GALNT18: variants seen among roughly 807,000 people sequenced by gnomAD.
GALNT18 encodes polypeptide N-acetylgalactosaminyltransferase 18, also known as GalNAc-transferase 18.
In GALNT18, 44 loss-of-function variants were observed where a neutral mutation model predicts 69.5. The ratio of observed to expected loss-of-function variants is 0.63; its 90% confidence interval spans 0.50 to 0.81. The LOEUF is 0.81. Among genes scored for constraint, GALNT18 ranks in the 40% least tolerant of loss-of-function variants. The pLI is 0.00. For missense variants in GALNT18, 715 were observed against 810.0 expected, an observed-to-expected ratio of 0.88 and a Z score of 1.42; for synonymous variants, 364 against 318.2, an observed-to-expected ratio of 1.14 and a Z score of -1.53.
At chr11:11,367,586 C>A (rs187230294) in intron 6 of GALNT18, among the ~76,000 whole-genome samples, 1 of 152,164 alleles carries the variant, frequency 6.6e-6, no homozygotes, top group Non-Finnish European at 1.5e-5. Flanking sequence ...CTGCTCTGGA[C>A]ACCACGGTGG....
chr11:11,509,685 GAAAT>G (rs773030916), intron 1 of GALNT18, among the ~76,000 whole-genome samples: 10 of 152,232 alleles, frequency 6.6e-5, no homozygotes, highest in Non-Finnish European at 2.9e-5. Context: ...CATCTCATCA[GAAAT>G]AAATAGAGGC....
intron 9 of GALNT18, among the ~76,000 whole-genome samples, chr11:11,319,143 C>T (rs1264735179): frequency 1.3e-5 from 2 of 152,090 alleles, no homozygotes; most frequent in Non-Finnish European, 2.9e-5. Flanking sequence ...CTCAAATGCA[C>T]TCAGTACTTG....
intron 1 of GALNT18, among the ~76,000 whole-genome samples, chr11:11,539,248 C>T (rs1445954863): frequency 6.6e-6 from 1 of 152,186 alleles, no homozygotes; most frequent in East Asian, 1.9e-4. Context: ...ACCTCTGCTG[C>T]CCCAAAGCAT....
intron 6 of GALNT18, among the ~76,000 whole-genome samples, chr11:11,354,096 G>A (rs1589931632): frequency 6.6e-6 from 1 of 152,300 alleles, no homozygotes; most frequent in South Asian, 2.1e-4. Flanking sequence ...ATAAACACTG[G>A]TATGCTACAT....
At chr11:11,274,175 G>C (rs962403785) in intron 10 of GALNT18, among the ~76,000 whole-genome samples, 4 of 152,190 alleles carry the variant, frequency 2.6e-5, no homozygotes, top group East Asian at 3.8e-4. Context: ...CTTTTCCCAC[G>C]GTCTTTGCAA....
At position 11,339,623 on chromosome 11, in the gene GALNT18, AAC is replaced by A. The variant is rs1039195264; in HGVS notation, c.1278+1194_1278+1195del. Among the ~76,000 whole-genome samples the A allele has an allele frequency of 3.3e-5, 5 of 152,174 alleles. No homozygotes were observed. The highest frequency in any genetic ancestry group is 4.8e-5 in the African/African-American group (2 of 41,436). On this transcript the variant is annotated intron_variant, in intron 7 of 10. Transcript: ENST00000227756. This position sits in a 1 kb window ranked among gnomAD's most constrained non-coding sequence, Gnocchi z 5.2. ...CCAGAAGGTAATGCAGTTCCCCAGA[AAC>A]ACTCTTACTGTCAGGAATGCAATCC...
chr11:11,272,270 A>G (rs1316091612), intron 10 of GALNT18, among the ~76,000 whole-genome samples: 1 of 152,140 alleles, frequency 6.6e-6, no homozygotes, highest in Non-Finnish European at 1.5e-5. Flanking sequence ...AGTCCTGGCA[A>G]TTCTACCTCT....
At position 11,546,954 on chromosome 11, in the gene GALNT18, A is replaced by G. The variant is rs999331266; in HGVS notation, c.235+74405T>C. Among the ~76,000 whole-genome samples the G allele has an allele frequency of 1.3e-5, 2 of 150,750 alleles. No individual in the cohort carries two copies. The highest frequency in any genetic ancestry group is 4.9e-5 in the African/African-American group (2 of 40,932). ...TCTTTTTTTTTTTTTAACTCTTGTC[A>G]TTTTCATCTGATGCCTCTCTGGGAG... On this transcript the variant is annotated intron_variant, in intron 1 of 10. Coordinates refer to ENST00000227756, the MANE Select transcript of GALNT18 (RefSeq NM_198516.3). The surrounding 1 kb of genome is among the most constrained non-coding windows in gnomAD (Gnocchi z 5.8).
intron 1 of GALNT18, chr11:11,476,198 T>G (rs1856393395): frequency 6.6e-6 from 1 of 152,206 alleles, no homozygotes. Context: ...AGTCTTTCCC[T>G]GTACCAGCTG....
intron 9 of GALNT18, among the ~76,000 whole-genome samples, chr11:11,316,268 T>C (rs1849751080): frequency 6.6e-6 from 1 of 152,172 alleles, no homozygotes; most frequent in African/African-American, 2.4e-5. Context: ...GGTATTCTTA[T>C]TTATTTATAG....
intron 10 of GALNT18, among the ~76,000 whole-genome samples, chr11:11,283,258 C>A (rs576722201): frequency 6.6e-6 from 1 of 152,114 alleles, no homozygotes; most frequent in African/African-American, 2.4e-5. Flanking sequence ...GTGATTCTCC[C>A]GCCTCAGCTG....
At chr11:11,545,246 T>C (rs1034690489) in intron 1 of GALNT18, among the ~76,000 whole-genome samples, 1 of 152,244 alleles carries the variant, frequency 6.6e-6, no homozygotes, top group African/African-American at 2.4e-5. Context: ...CCATGCTGCT[T>C]CTTTGAATGC....
At chr11:11,527,126 A>T (rs3935425) in intron 1 of GALNT18, among the ~76,000 whole-genome samples, 1 of 152,018 alleles carries the variant, frequency 6.6e-6, no homozygotes, top group African/African-American at 2.4e-5. Context: ...TACTCCCTGC[A>T]TAGTGATCCT....
chr11:11,529,608 TC>T (rs1020040421), intron 1 of GALNT18, among the ~76,000 whole-genome samples: 11 of 144,532 alleles, frequency 7.6e-5, no homozygotes, highest in African/African-American at 2.9e-4. Context: ...GTAAGCCAAT[TC>T]TTTATAATAA....
At chr11:11,298,450 T>C (rs1200603746) in intron 9 of GALNT18, among the ~76,000 whole-genome samples, 1 of 152,222 alleles carries the variant, frequency 6.6e-6, no homozygotes, top group Non-Finnish European at 1.5e-5. Context: ...CAAGGCTGAG[T>C]TCTGGCAGCT....
In GALNT18 at chr11:11,504,083, T is replaced by C. The variant is rs553409191; in HGVS notation, c.236-55147A>G. Among the ~76,000 whole-genome samples, 4 of 152,370 alleles carry C rather than the reference T, an allele frequency of 2.6e-5. No individual in the cohort carries two copies. The East Asian group carries it at 7.7e-4, about 29-fold the overall frequency. ...CAAACACTGAATAGGTTTCCTTCTA[T>C]ATCATGAAGTTCTGCCTTTACACAG... is the stretch of plus-strand genomic sequence containing the variant. On this transcript the variant is annotated intron_variant, in intron 1 of 10. Coordinates refer to ENST00000227756, the MANE Select transcript of GALNT18 (RefSeq NM_198516.3).
intron 1 of GALNT18, among the ~76,000 whole-genome samples, chr11:11,561,353 ACTGTG>A (rs5789692): frequency 0.61 from 92,499 of 151,334 alleles, 28,408 homozygotes; most frequent in Middle Eastern, 0.7. Context: ...CAAATGAAGC[ACTGTG>A]CTGTAGGGAA....
At position 11,591,418 on chromosome 11, in the gene GALNT18, G is replaced by C. The variant is rs1359171922; in HGVS notation, c.235+29941C>G. Among the ~76,000 whole-genome samples the C allele has an allele frequency of 6.6e-6, 1 of 152,088 alleles. No homozygotes were observed. Among genetic ancestry groups the C allele is most frequent in the East Asian group, 1.9e-4 (1 of 5,182 alleles). ...CCTTGGCTCATGGTTGACTTTACTG[G>C]ATGAGCCTCACTGCGTTCCTTCTCA... On this transcript the variant is annotated intron_variant, in intron 1 of 10. Coordinates refer to ENST00000227756, the MANE Select transcript of GALNT18 (RefSeq NM_198516.3). The surrounding 1 kb of genome is among the most constrained non-coding windows in gnomAD (Gnocchi z 4.8).
intron 5 of GALNT18, among the ~76,000 whole-genome samples, chr11:11,375,034 T>C (rs928768110): frequency 2.6e-5 from 4 of 152,222 alleles, no homozygotes; most frequent in South Asian, 4.1e-4. Context: ...ATTTCTCACG[T>C]GGATTTTCTT....
Sources: gnomAD v4.1 joint callset for allele counts (sites outside exome capture counted in the v4.1 genomes callset) on GRCh38, gnomAD v4.1.1 for gene constraint, Gnocchi (gnomAD v3.1) non-coding constraint, MANE v1.5 for transcripts, NCBI Gene and HGNC (gene_info 2026-07-23, HGNC 2026-07-21) for gene names.